DNAAF9: variants seen among roughly 807,000 people sequenced by gnomAD.
DNAAF9 encodes the protein dynein axonemal assembly factor 9.
DNAAF9 carries 90 observed loss-of-function variants against 167.0 expected under a neutral mutation model. The observed-to-expected ratio is 0.54, with a 90% confidence interval of 0.45 to 0.64. The LOEUF is 0.64. Ranked by LOEUF, DNAAF9 falls within the 30% of genes least tolerant of loss-of-function variation. The pLI, the probability that DNAAF9 is intolerant of heterozygous loss-of-function variation, is 0.00. For missense variants in DNAAF9, 1,315 were observed against 1,442.2 expected (o/e 0.91, Z 1.43); for synonymous variants, 491 against 508.8 (o/e 0.96, Z 0.47).
intron 25 of DNAAF9, among the ~76,000 whole-genome samples, chr20:3,292,599 T>G (rs2068980533): frequency 6.7e-6 from 1 of 149,936 alleles, no homozygotes; most frequent in Non-Finnish European, 1.5e-5. Context: ...AACTCTGCCT[T>G]TACTAAAAAT....
Position 3,259,949 on chromosome 20 carries a change from T to C in DNAAF9, c.2953A>G (p.Lys985Glu). Reference protein sequence around the residue: ...ICVWFGRPLEKTRFVAKCKAI... With the variant: ...ICVWFGRPLEETRFVAKCKAI... Reference sequence around the variant, plus strand: ...TTACATTTGGCCACAAAGCGAGTCTTCTCCAAGGGACGGCCAAACCATACG... The same window carrying C: ...TTACATTTGGCCACAAAGCGAGTCTCCTCCAAGGGACGGCCAAACCATACG... The change falls in exon 32 of 37, where the codon AAG becomes GAG. Residue 985 changes from lysine (K) to glutamate (E), a missense_variant. Physicochemically the swap from Lys to Glu is moderately conservative, Grantham distance 56. Transcript: ENST00000252032. 6.2e-7 allele frequency: 1 copy of C among 1,610,882 alleles called. No homozygotes were observed. The highest frequency in any genetic ancestry group is 8.5e-7 in the Non-Finnish European group (1 of 1,176,956).
chr20:3,383,731 A>G (rs1014739422), intron 1 of DNAAF9, among the ~76,000 whole-genome samples: 1 of 151,838 alleles, frequency 6.6e-6, no homozygotes, highest in Non-Finnish European at 1.5e-5. Flanking sequence ...TCTCACCTCA[A>G]AACTGTATTT....
At chr20:3,319,082 C>CAAAAAAAAAAAAAAAAAAAAAAAAAA (rs71195834) in intron 16 of DNAAF9, among the ~76,000 whole-genome samples, 1 of 71,134 alleles carries the variant, frequency 1.4e-5, no homozygotes, top group African/African-American at 6.2e-5. Context: ...GACTCTGTCT[C>CAAAAAAAAAAAAAAAAAAAAAAAAAA]AAAAAAAAAA....
At chr20:3,256,320 G>T in intron 33 of DNAAF9, 109 bp from the exon 34 acceptor site, 1 of 801,784 alleles carries the variant, frequency 1.2e-6, no homozygotes, top group Non-Finnish European at 2.1e-6. Context: ...GAAAATGCAA[G>T]AGACAGAACT....
At chr20:3,258,255 C>A (rs898115932) in intron 33 of DNAAF9, among the ~76,000 whole-genome samples, 1 of 152,172 alleles carries the variant, frequency 6.6e-6, no homozygotes, top group Non-Finnish European at 1.5e-5. Context: ...CAGGGGCTGG[C>A]TGTTGGAGCC....
In DNAAF9 at chr20:3,264,370, T is replaced by C. The variant is rs2068448102; in HGVS notation, c.2873+68A>G. 3 of 791,254 alleles carry C rather than the reference T, an allele frequency of 3.8e-6. No individual in the cohort carries two copies. The South Asian group carries it at 4.5e-5, about 12-fold the overall frequency. The allele number at this position is 791,254 out of a possible 1,614,324, so 49.0% of individuals were successfully genotyped here. A position where few individuals can be genotyped will look rare whatever the true frequency, so the allele number is the denominator to read the frequency against. ...TATTTTCACCTTCTCTCTTTTTTTT[T>C]TTCTGTAAATAAATAAATCATTGGG... On this transcript the variant is annotated intron_variant, in intron 31 of 36. Coordinates refer to ENST00000252032, the MANE Select transcript of DNAAF9 (RefSeq NM_001009984.3).
intron 22 of DNAAF9, among the ~76,000 whole-genome samples, chr20:3,297,243 G>A (rs1408461309): frequency 2.6e-5 from 4 of 152,146 alleles, no homozygotes; most frequent in African/African-American, 9.7e-5. Context: ...TTCTCCTCTA[G>A]GGAGACAGAA....
At position 3,314,143 on chromosome 20, in the gene DNAAF9, G is replaced by A. The variant is rs573667204; in HGVS notation, c.1678+890C>T. Among the ~76,000 whole-genome samples, 7 of 152,322 alleles carry A rather than the reference G, an allele frequency of 4.6e-5. No individual in the cohort carries two copies. In the South Asian group the frequency reaches 6.2e-4, roughly 14 times the overall value. On this transcript the variant is annotated intron_variant, in intron 20 of 36. Coordinates refer to ENST00000252032, the MANE Select transcript of DNAAF9 (RefSeq NM_001009984.3). Reference sequence around the variant, plus strand: ...ATGGAGAGAACTATGTTCAGGAGCTGTAGACAGATTACACTCCCAAGCCTC... The same window carrying A: ...ATGGAGAGAACTATGTTCAGGAGCTATAGACAGATTACACTCCCAAGCCTC...
intron 10 of DNAAF9, among the ~76,000 whole-genome samples, chr20:3,338,368 T>C (rs1332572279): frequency 6.6e-6 from 1 of 152,084 alleles, no homozygotes; most frequent in Non-Finnish European, 1.5e-5. Flanking sequence ...ATAGGTAAGG[T>C]GTTTTATTTC....
At chr20:3,375,197 T>C (rs778557436) in intron 4 of DNAAF9, 71 bp from the exon 5 acceptor site, 1 of 981,194 alleles carries the variant, frequency 1.0e-6, no homozygotes. Flanking sequence ...TTTCTCTGCA[T>C]TTTGTCAACC....
chr20:3,326,944 T>C (rs1215764307), intron 12 of DNAAF9, among the ~76,000 whole-genome samples: 2 of 152,234 alleles, frequency 1.3e-5, no homozygotes, highest in East Asian at 3.9e-4. Context: ...CAGGAATTCC[T>C]TCAGTGTTCT....
chr20:3,294,172 T>G lies in DNAAF9; in HGVS notation c.2205A>C (p.Glu735Asp). Residue 735 changes from glutamate to aspartate, a missense_variant, in exon 25 of 37, where the codon GAA becomes GAC. Physicochemically the swap from Glu to Asp is conservative, Grantham distance 45. This residue lies in a region of DNAAF9 where 981 missense variants were observed against 1,012.5 expected (regional missense o/e 0.97). Transcript: ENST00000252032. The part of the protein sequence containing the change: ...THLPVLLQQA[E>D]INTTHRIESD... The stretch of plus-strand genomic sequence containing the variant: ...TTTCTATTCTGTGAGTAGTGTTGAT[T>G]TCAGCTTGCTGCAGCAGCACAGGAA... The G allele has an allele frequency of 6.2e-7, 1 of 1,609,736 alleles. No homozygotes were observed. The highest frequency in any genetic ancestry group is 1.1e-5 in the South Asian group (1 of 91,004).
At chr20:3,399,229 AT>A (rs1810836732) in intron 1 of DNAAF9, among the ~76,000 whole-genome samples, 1 of 151,764 alleles carries the variant, frequency 6.6e-6, no homozygotes, top group Admixed American at 6.6e-5. Context: ...TTTTTATTTT[AT>A]TTTTTTGAGA....
intron 29 of DNAAF9, 46 bp downstream of exon 29, chr20:3,278,866 C>T (rs80349497): frequency 0.031 from 41,090 of 1,338,380 alleles, 868 homozygotes; most frequent in African/African-American, 0.096. Flanking sequence ...CTGAATTCTA[C>T]TGAACTTGCA....
At chr20:3,307,184 GA>G (rs1170221435) in intron 20 of DNAAF9, 4 of 982,330 alleles carry the variant, frequency 4.1e-6, no homozygotes, top group Non-Finnish European at 4.8e-6. Flanking sequence ...ACTAGACTCT[GA>G]AGCCTCAAAA....
rs1402173823 is a variant in DNAAF9 at position 3,315,137 on chromosome 20, A to G, written c.1591-17T>C. On this transcript the variant is annotated splice_polypyrimidine_tract_variant and intron_variant, in intron 19 of 36. Coordinates refer to ENST00000252032, the MANE Select transcript of DNAAF9 (RefSeq NM_001009984.3). This position sits in a 1 kb window ranked among gnomAD's most constrained non-coding sequence, Gnocchi z 4.1. Reference sequence around the variant, plus strand: ...CTCATCCCCCTTTAAAAACAACAACAAAAACAAAAATCCAAAAAAGAATAG... The same window carrying G: ...CTCATCCCCCTTTAAAAACAACAACGAAAACAAAAATCCAAAAAAGAATAG... 1 of 1,492,420 alleles carries G rather than the reference A, an allele frequency of 6.7e-7. No homozygotes were observed. The highest frequency in any genetic ancestry group is 1.1e-5 in the South Asian group (1 of 88,202). The allele number at this position is 1,492,420 out of a possible 1,614,324, so 92.4% of individuals were successfully genotyped here.
intron 1 of DNAAF9, among the ~76,000 whole-genome samples, chr20:3,402,929 G>A (rs1464405772): frequency 1.3e-5 from 2 of 152,100 alleles, no homozygotes; most frequent in Non-Finnish European, 2.9e-5. Flanking sequence ...TAGATTCTTC[G>A]CAAGTCTTTT....
At chr20:3,291,469 G>A (rs1326983103) in intron 25 of DNAAF9, among the ~76,000 whole-genome samples, 3 of 149,858 alleles carry the variant, frequency 2.0e-5, no homozygotes, top group African/African-American at 4.9e-5. Flanking sequence ...TCAGCCTCCC[G>A]AGTAGCTGGG....
intron 4 of DNAAF9, among the ~76,000 whole-genome samples, chr20:3,375,812 C>T (rs966594700): frequency 7.2e-5 from 11 of 151,822 alleles, no homozygotes; most frequent in African/African-American, 2.7e-4. Context: ...TGTGCCACTG[C>T]ACTCCAGCCT....
Sources: allele counts gnomAD v4.1 joint callset (sites outside exome capture counted in the v4.1 genomes callset), GRCh38; gene constraint gnomAD v4.1.1; regional missense constraint gnomAD v4.1.1; non-coding constraint Gnocchi (gnomAD v3.1); transcripts MANE v1.5; gene names NCBI Gene and HGNC (gene_info 2026-07-23, HGNC 2026-07-21).